TM9SF1: variants seen among roughly 807,000 people sequenced by gnomAD.
TM9SF1 encodes MP70 protein family member.
Under a neutral mutation model 52.4 loss-of-function variants are expected in TM9SF1, and 25 were observed. That is an observed-to-expected ratio of 0.48 (90% CI 0.35 to 0.67). TM9SF1 has a LOEUF of 0.67. TM9SF1 is among the 30% of genes least tolerant of loss of function. The pLI, the probability that TM9SF1 is intolerant of heterozygous loss-of-function variation, is 0.01. For missense variants in TM9SF1, 604 were observed against 780.3 expected, an observed-to-expected ratio of 0.77 and a Z score of 2.69; for synonymous variants, 284 against 299.8, an observed-to-expected ratio of 0.95 and a Z score of 0.55.
At chr14:24,195,264 A>C in intron 1 of TM9SF1, 82 bp downstream of exon 1, 2 of 511,272 alleles carry the variant, frequency 3.9e-6, no homozygotes, top group South Asian at 2.5e-5. Flanking sequence ...GGCCTCTACT[A>C]CGCGCCCTGG....
chr14:24,194,101 G>A (rs1594453626), intron 2 of TM9SF1, among the ~76,000 whole-genome samples: 1 of 152,188 alleles, frequency 6.6e-6, no homozygotes, highest in South Asian at 2.1e-4. Flanking sequence ...TCCAGACATT[G>A]CTAAATGTCC....
At position 24,190,598 on chromosome 14, in the gene TM9SF1, C is replaced by T. The variant is rs1358881689; in HGVS notation, c.1209G>A (p.Ser403=). 1.9e-6 allele frequency: 3 copies of T among 1,614,054 alleles called. No individual in the cohort carries two copies. The highest frequency in any genetic ancestry group is 4.5e-5 in the East Asian group (2 of 44,884). The change falls in exon 5 of 6, where the codon TCG becomes TCA. Residue 403 remains serine, a synonymous_variant. Coordinates refer to ENST00000261789, the MANE Select transcript of TM9SF1 (RefSeq NM_006405.7). ...VVNSVHWANG[S]TQALPATTIL... ...TGGTTGTGGCTGGCAGAGCCTGTGT[C>T]GAACCATTGGCCCAATGCACTGAGT...
intron 4 of TM9SF1, chr14:24,191,823 T>C (rs1275085945): frequency 1.0e-5 from 2 of 196,020 alleles, no homozygotes; most frequent in Non-Finnish European, 2.1e-5. Context: ...TCTTTTTTTT[T>C]TTTTGAGACA....
Position 24,192,126 on chromosome 14 carries a change from A to C in TM9SF1, c.1153+45T>G. The C allele has an allele frequency of 6.3e-7, 1 of 1,591,422 alleles. No homozygotes were observed. Among genetic ancestry groups the C allele is most frequent in the South Asian group, 1.1e-5 (1 of 90,554 alleles). On this transcript the variant is annotated intron_variant, in intron 4 of 5. Transcript: ENST00000261789. The surrounding 1 kb of genome is among the most constrained non-coding windows in gnomAD (Gnocchi z 4.0). Reference sequence around the variant, plus strand: ...TGTGACCAGCCACAATGTGTTCTTCATTCCTAAGTCCAGAAAGGCCCACCA... The same window carrying C: ...TGTGACCAGCCACAATGTGTTCTTCCTTCCTAAGTCCAGAAAGGCCCACCA...
Position 24,193,275 on chromosome 14 carries a change from A to G in TM9SF1, c.346-6T>C, listed in dbSNP as rs546511343. The G allele has an allele frequency of 1.3e-6, 2 of 1,586,892 alleles. No individual in the cohort carries two copies. Among genetic ancestry groups the G allele is most frequent in the South Asian group, 2.3e-5 (2 of 86,636 alleles). ...GCCTGGCGCAGCTGCTCCACCTATA[A>G]AGAGCAAGTCAGGAGTTGGTCACAC... On this transcript the variant is annotated splice_polypyrimidine_tract_variant and splice_region_variant and intron_variant, in intron 2 of 5. Transcript: ENST00000261789.
At position 24,193,511 on chromosome 14, in the gene TM9SF1, C is replaced by T. The variant is rs554517482; in HGVS notation, c.346-242G>A. Among the ~76,000 whole-genome samples the T allele has an allele frequency of 1.5e-3, 228 of 151,706 alleles. 1 individual carries two copies. The highest frequency in any genetic ancestry group is 4.9e-3 in the African/African-American group (201 of 41,418). On this transcript the variant is annotated intron_variant, in intron 2 of 5. Transcript: ENST00000261789. ...CCTCCCGAGTAGCTGGGATTACAGG[C>T]GCCCACCACCACACCCAGCTAATTT...
rs45543831 is a variant in TM9SF1, at chr14:24,192,531, T to C, written c.967+117A>G. 3 of 1,421,724 alleles carry C rather than the reference T, an allele frequency of 2.1e-6. No homozygotes were observed. Among genetic ancestry groups the C allele is most frequent in the South Asian group, 2.7e-5 (2 of 74,740 alleles). 88.1% of individuals were successfully genotyped at this position (1,421,724 alleles called of 1,614,324 possible). Reference sequence around the variant, plus strand: ...ACGTGCATTCTTGCTAGAGCCACCCTATCCCTTAGGTCTGCCCCTCTGGAT... The same window carrying C: ...ACGTGCATTCTTGCTAGAGCCACCCCATCCCTTAGGTCTGCCCCTCTGGAT... On this transcript the variant is annotated intron_variant, in intron 3 of 5. Coordinates refer to ENST00000261789, the MANE Select transcript of TM9SF1 (RefSeq NM_006405.7). This position sits in a 1 kb window ranked among gnomAD's most constrained non-coding sequence, Gnocchi z 4.0.
Position 24,189,333 on chromosome 14 carries a change from T to G in TM9SF1, c.*82A>C. ...GCAACAATGCCATCACACAATTCAG[T>G]CAATCAGAAGAGAAGCTGGTAGGAG... On this transcript the variant is annotated 3_prime_UTR_variant, in exon 6 of 6. Transcript: ENST00000261789. 1 of 1,443,770 alleles carries G rather than the reference T, an allele frequency of 6.9e-7. No homozygotes were observed. The highest frequency in any genetic ancestry group is 1.4e-5 in the South Asian group (1 of 71,924). 89.4% of individuals were successfully genotyped at this position (1,443,770 alleles called of 1,614,324 possible). A position where few individuals can be genotyped will look rare whatever the true frequency, so the allele number is the denominator to read the frequency against.
intron 4 of TM9SF1, 22 bp from the exon 5 acceptor site, chr14:24,190,675 G>A (rs1283985330): frequency 6.3e-7 from 1 of 1,591,582 alleles, no homozygotes; most frequent in Non-Finnish European, 8.6e-7. Context: ...GGCCCCCGGA[G>A]GGAGGGTCAA....
rs1455756043 is a variant in TM9SF1 at position 24,190,470 on chromosome 14, C to T, written c.1337G>A (p.Arg446His). The T allele has an allele frequency of 3.7e-6, 6 of 1,613,974 alleles. No homozygotes were observed. Among genetic ancestry groups the T allele is most frequent in the Non-Finnish European group, 5.1e-6 (6 of 1,179,938 alleles). The change falls in exon 5 of 6, where the codon CGC (arginine) becomes CAC (histidine). Residue 446 changes from arginine (R) to histidine (H), a missense_variant. By Grantham distance (29) the Arg-to-His change is conservative (BLOSUM62 0). Around this residue, in one of 3 missense-constraint regions of TM9SF1, gnomAD observed 450 missense variants for 560.1 expected, o/e 0.80. Transcript: ENST00000261789. Reference protein sequence around the residue: ...NNASPFDAPCRTKNIAREIPP... With the variant: ...NNASPFDAPCHTKNIAREIPP... Reference sequence around the variant, plus strand: ...AATCTCCCGGGCGATGTTCTTGGTGCGACAGGGTGCATCAAAGGGGCTGGC... The same window carrying T: ...AATCTCCCGGGCGATGTTCTTGGTGTGACAGGGTGCATCAAAGGGGCTGGC...
In TM9SF1 at chr14:24,192,019, C is replaced by T. The variant is rs1401031417; in HGVS notation, c.1153+152G>A. 1.3e-6 allele frequency: 1 copy of T among 758,388 alleles called. No individual in the cohort carries two copies. The highest frequency in any genetic ancestry group is 2.5e-5 in the East Asian group (1 of 40,010). The allele number at this position is 758,388 out of a possible 1,614,324, so 47.0% of individuals were successfully genotyped here. On this transcript the variant is annotated intron_variant, in intron 4 of 5. Transcript: ENST00000261789. The surrounding 1 kb of genome is among the most constrained non-coding windows in gnomAD (Gnocchi z 4.0). Reference sequence around the variant, plus strand: ...TAGAGAGAGGGTCTCACTATGTTGTCTAGGCTTGTCTCAAACTTTTGGGCT... The same window carrying T: ...TAGAGAGAGGGTCTCACTATGTTGTTTAGGCTTGTCTCAAACTTTTGGGCT...
intron 1 of TM9SF1, 48 bp downstream of exon 1, chr14:24,195,298 C>T (rs2234102): frequency 2.3e-6 from 1 of 432,704 alleles, no homozygotes; most frequent in East Asian, 3.9e-5. Context: ...CAACGCCGCT[C>T]GGTCTCGCAC....
Position 24,194,716 on chromosome 14 carries a change from C to G in TM9SF1, c.304G>C (p.Glu102Gln), listed in dbSNP as rs866308760. 1 of 1,614,052 alleles carries G rather than the reference C, an allele frequency of 6.2e-7. No homozygotes were observed. The change falls in exon 2 of 6, where the codon GAG becomes CAG. Residue 102 changes from glutamate to glutamine, a missense_variant. By Grantham distance (29) the Glu-to-Gln change is conservative. This residue lies in a region of TM9SF1 where 450 missense variants were observed against 560.1 expected (regional missense o/e 0.80). Coordinates refer to ENST00000261789, the MANE Select transcript of TM9SF1 (RefSeq NM_006405.7). ...TGCATGTGGCACAGAATTCTCTTCT[C>G]CACGTTTTCCCGAAAGCGGATCTCA... ...LYEIRFRENV[E>Q]KRILCHMQLS...
Position 24,189,518 on chromosome 14 carries a change from G to T in TM9SF1, c.1718C>A (p.Ser573Tyr). Reference sequence around the variant, plus strand: ...GAAGAAGACATAACCAGTGAGTAAGGAGTAGCCGAAGAACTCTACTGTCTG... The same window carrying T: ...GAAGAAGACATAACCAGTGAGTAAGTAGTAGCCGAAGAACTCTACTGTCTG... ...AVQTVEFFGY[S>Y]LLTGYVFFLM... Residue 573 changes from serine (S) to tyrosine (Y), a missense_variant, in exon 6 of 6, where the codon TCC (serine) becomes TAC (tyrosine). Physicochemically the swap from Ser to Tyr is moderately radical, Grantham distance 144. Around this residue, in one of 3 missense-constraint regions of TM9SF1, gnomAD observed 107 missense variants for 180.5 expected, o/e 0.59. Transcript: ENST00000261789. 1 of 1,614,206 alleles carries T rather than the reference G, an allele frequency of 6.2e-7. No individual in the cohort carries two copies. The highest frequency in any genetic ancestry group is 1.1e-5 in the South Asian group (1 of 91,082).
intron 1 of TM9SF1, 74 bp downstream of exon 1, chr14:24,195,272 T>G: frequency 4.0e-6 from 2 of 499,240 alleles, no homozygotes; most frequent in Non-Finnish European, 7.2e-6. Context: ...CTACGCGCCC[T>G]GGCCCGTTTC....
chr14:24,190,608 G>A lies in TM9SF1; in HGVS notation c.1199C>T (p.Ala400Val), dbSNP rs1447856440. The change falls in exon 5 of 6, where the codon GCC (alanine) becomes GTC (valine). Residue 400 changes from alanine to valine, a missense_variant. Around this residue, in one of 3 missense-constraint regions of TM9SF1, gnomAD observed 450 missense variants for 560.1 expected, o/e 0.80. Transcript: ENST00000261789. ...TWSVVNSVHW[A>V]NGSTQALPAT... ...TGGCAGAGCCTGTGTCGAACCATTG[G>A]CCCAATGCACTGAGTTCACCACACT... 1.2e-6 allele frequency: 2 copies of A among 1,614,076 alleles called. No individual in the cohort carries two copies. The highest frequency in any genetic ancestry group is 1.6e-4 in the Middle Eastern group (1 of 6,062).
chr14:24,189,879 C>A, intron 5 of TM9SF1, 71 bp from the exon 6 acceptor site: 1 of 1,503,426 alleles, frequency 6.7e-7, no homozygotes. Context: ...GGGCTGAAAT[C>A]CAGCCCCCAC....
At position 24,190,627 on chromosome 14, in the gene TM9SF1, C is replaced by T. The variant is rs2039305902; in HGVS notation, c.1180G>A (p.Val394Met). The change falls in exon 5 of 6, where the codon GTG becomes ATG. Residue 394 changes from valine to methionine, a missense_variant. By Grantham distance (21) the Val-to-Met change is conservative. Transcript: ENST00000261789. ...CCATTGGCCCAATGCACTGAGTTCA[C>T]CACACTCCACGTCAGGAAGAAAGGC... ...SVPFFLTWSV[V>M]NSVHWANGST... 6.2e-7 allele frequency: 1 copy of T among 1,613,406 alleles called. No homozygotes were observed.
chr14:24,192,366 G>A lies in TM9SF1; in HGVS notation c.968-10C>T, dbSNP rs367910573. The stretch of plus-strand genomic sequence containing the variant: ...GCCATGACAATAATGCCTGCAGGAC[G>A]GTAGCGGAAAGCCCAAGTTAGGCCT... On this transcript the variant is annotated splice_polypyrimidine_tract_variant and intron_variant, in intron 3 of 5. Coordinates refer to ENST00000261789, the MANE Select transcript of TM9SF1 (RefSeq NM_006405.7). The surrounding 1 kb of genome is among the most constrained non-coding windows in gnomAD (Gnocchi z 4.0). 51 of 1,608,648 alleles carry A rather than the reference G, an allele frequency of 3.2e-5. No individual in the cohort carries two copies. Among genetic ancestry groups the A allele is most frequent in the Middle Eastern group, 1.9e-4 (1 of 5,184 alleles).
Sources: allele counts gnomAD v4.1 joint callset (sites outside exome capture counted in the v4.1 genomes callset), GRCh38; gene constraint gnomAD v4.1.1; regional missense constraint gnomAD v4.1.1; non-coding constraint Gnocchi (gnomAD v3.1); transcripts MANE v1.5; gene names NCBI Gene and HGNC (gene_info 2026-07-23, HGNC 2026-07-21).